The following GPAT4 variants were observed in gnomAD, a reference collection of about 807,000 sequenced individuals.
GPAT4 encodes 1-AGP acyltransferase 6.
A neutral mutation model predicts 58.0 loss-of-function variants in GPAT4; 17 were observed. The ratio of observed to expected loss-of-function variants is 0.29; its 90% CI spans 0.20 to 0.44. The LOEUF is 0.44. Among genes scored for constraint, GPAT4 ranks in the 20% least tolerant of loss-of-function variants. The probability of loss-of-function intolerance (pLI) is 1.00; values close to 1 mark genes in which losing one functional copy is unlikely to be tolerated. For missense variants in GPAT4, 377 were observed against 574.5 expected, an observed-to-expected ratio of 0.66 and a Z score of 3.51; for synonymous variants, 204 against 210.1, an observed-to-expected ratio of 0.97 and a Z score of 0.25.
chr8:41,579,992 C>T (rs890841805), intron 1 of GPAT4, among the ~76,000 whole-genome samples: 1 of 152,194 alleles, frequency 6.6e-6, no homozygotes, highest in Non-Finnish European at 1.5e-5. Context: ...GAAATCTCGC[C>T]TCTGCCTCGA....
Position 41,622,291 on chromosome 8 carries a change from CA to C in GPAT4, c.*1291del. ...CATGGTGGCTTCTGCAGGGGAGGGA[CA>C]GGGGAGGGCTGCAGAGGGGCAGGGT... On this transcript the variant is annotated 3_prime_UTR_variant, in exon 13 of 13. Coordinates refer to ENST00000396987, the MANE Select transcript of GPAT4 (RefSeq NM_178819.4). The C allele has an allele frequency of 7.1e-6, 1 of 141,480 alleles. No individual in the cohort carries two copies. Among genetic ancestry groups the C allele is most frequent in the South Asian group, 2.1e-4 (1 of 4,682 alleles). 8.8% of individuals were successfully genotyped at this position (141,480 alleles called of 1,614,324 possible). A position where few individuals can be genotyped will look rare whatever the true frequency, so the allele number is the denominator to read the frequency against.
At chr8:41,591,256 A>G (rs1376691830) in intron 1 of GPAT4, among the ~76,000 whole-genome samples, 1 of 152,190 alleles carries the variant, frequency 6.6e-6, no homozygotes, top group African/African-American at 2.4e-5. Flanking sequence ...AGGTTAGATC[A>G]GAGGTTGGTT....
intron 1 of GPAT4, among the ~76,000 whole-genome samples, chr8:41,579,267 C>T (rs186995223): frequency 6.6e-6 from 1 of 152,328 alleles, no homozygotes; most frequent in African/African-American, 2.4e-5. Context: ...AGGGAACCAG[C>T]ATGTACTTGT....
At chr8:41,586,227 T>G (rs1389804249) in intron 1 of GPAT4, among the ~76,000 whole-genome samples, 1 of 152,264 alleles carries the variant, frequency 6.6e-6, no homozygotes, top group African/African-American at 2.4e-5. Context: ...TGAAGATTCA[T>G]CCATGTTATA....
chr8:41,586,076 A>G (rs912228961), intron 1 of GPAT4, among the ~76,000 whole-genome samples: 2 of 152,230 alleles, frequency 1.3e-5, no homozygotes, highest in Non-Finnish European at 2.9e-5. Context: ...CGTTTTAGCT[A>G]TCACTCTTGT....
chr8:41,582,444 T>TATACAC (rs1554500337), intron 1 of GPAT4, among the ~76,000 whole-genome samples: 2 of 141,614 alleles, frequency 1.4e-5, no homozygotes, highest in Non-Finnish European at 3.1e-5. Flanking sequence ...TGGGAAAGTA[T>TATACAC]ACACACACAC....
intron 1 of GPAT4, among the ~76,000 whole-genome samples, chr8:41,579,123 A>T (rs1802441324): frequency 6.6e-6 from 1 of 152,246 alleles, no homozygotes. Flanking sequence ...CAGTTATACC[A>T]TACCAAAGTC....
chr8:41,585,264 G>A (rs1423732644), intron 1 of GPAT4, among the ~76,000 whole-genome samples: 1 of 152,184 alleles, frequency 6.6e-6, no homozygotes, highest in Non-Finnish European at 1.5e-5. Context: ...AGAAATGGAT[G>A]CTTTTTTCTG....
intron 1 of GPAT4, among the ~76,000 whole-genome samples, chr8:41,588,476 TTTC>T (rs1802710597): frequency 1.3e-5 from 2 of 152,230 alleles, no homozygotes; most frequent in African/African-American, 2.4e-5. Flanking sequence ...TTCTTTTCCT[TTTC>T]CTTTTCCCTT....
intron 1 of GPAT4, among the ~76,000 whole-genome samples, chr8:41,584,537 C>T (rs1472626158): frequency 2.0e-5 from 3 of 152,076 alleles, no homozygotes; most frequent in Non-Finnish European, 4.4e-5. Flanking sequence ...TATAATTATG[C>T]TGAGTGAAGT....
chr8:41,591,158 T>G (rs1802779273), intron 1 of GPAT4, among the ~76,000 whole-genome samples: 1 of 152,058 alleles, frequency 6.6e-6, no homozygotes, highest in Admixed American at 6.6e-5. Context: ...GGGGGCTGCA[T>G]GCACCGGTAA....
At chr8:41,602,436 G>A (rs1803130376) in intron 2 of GPAT4, among the ~76,000 whole-genome samples, 1 of 152,208 alleles carries the variant, frequency 6.6e-6, no homozygotes, top group South Asian at 2.1e-4. Flanking sequence ...TTACAGCCTG[G>A]CTGTAAACTG....
chr8:41,607,688 C>T (rs897065044), intron 2 of GPAT4, among the ~76,000 whole-genome samples: 6 of 152,046 alleles, frequency 3.9e-5, no homozygotes, highest in Non-Finnish European at 8.8e-5. Flanking sequence ...ATCACTATGC[C>T]TAGCTAATTT....
chr8:41,599,909 T>C (rs935925847), intron 2 of GPAT4, among the ~76,000 whole-genome samples: 2 of 152,228 alleles, frequency 1.3e-5, no homozygotes, highest in African/African-American at 4.8e-5. Context: ...TGCACAGATT[T>C]GGTGATTTCA....
chr8:41,594,400 A>G (rs1421829406), intron 1 of GPAT4, among the ~76,000 whole-genome samples: 1 of 152,134 alleles, frequency 6.6e-6, no homozygotes, highest in East Asian at 1.9e-4. Context: ...CCTTGCACAT[A>G]AACTGTTTTT....
At position 41,581,245 on chromosome 8, in the gene GPAT4, T is replaced by G. The variant is rs1802500757; in HGVS notation, c.-849+2967T>G. On this transcript the variant is annotated intron_variant, in intron 1 of 12. Transcript: ENST00000396987. ...CCAAGTGCTTAGAGTTTCCCCTGAG[T>G]CCTTTAATGTACTTTTTCACCTTTA... Among the ~76,000 whole-genome samples the G allele has an allele frequency of 2.6e-5, 4 of 152,186 alleles. No individual in the cohort carries two copies. In the South Asian group the frequency reaches 8.3e-4, roughly 32 times the overall value.
chr8:41,608,088 G>A (rs1803334070), intron 2 of GPAT4, among the ~76,000 whole-genome samples: 1 of 152,216 alleles, frequency 6.6e-6, no homozygotes, highest in Non-Finnish European at 1.5e-5. Flanking sequence ...CCAAATATCT[G>A]AAACAGAGAA....
chr8:41,603,805 A>G (rs1230056323), intron 2 of GPAT4, among the ~76,000 whole-genome samples: 2 of 152,116 alleles, frequency 1.3e-5, no homozygotes, highest in Non-Finnish European at 2.9e-5. Context: ...TAGGCAGCCC[A>G]GCTCCCAGCT....
intron 1 of GPAT4, among the ~76,000 whole-genome samples, chr8:41,587,961 T>G (rs186701486): frequency 1.2e-4 from 19 of 152,368 alleles, no homozygotes; most frequent in Admixed American, 7.8e-4. Flanking sequence ...CACTGTAGTT[T>G]CAATTCGAAT....
Sources: gnomAD v4.1 joint callset for allele counts (sites outside exome capture counted in the v4.1 genomes callset) on GRCh38, gnomAD v4.1.1 for gene constraint, MANE v1.5 for transcripts, NCBI Gene and HGNC (gene_info 2026-07-23, HGNC 2026-07-21) for gene names.